DYNC2H1: variants seen among roughly 807,000 people sequenced by gnomAD.
DYNC2H1 encodes the protein cytoplasmic dynein 2 heavy chain 1.
DYNC2H1 carries 410 observed loss-of-function variants against 570.0 expected under a neutral mutation model. The observed-to-expected ratio is 0.72, with a 90% CI of 0.66 to 0.78. DYNC2H1 has a LOEUF of 0.78. Ranked by LOEUF, DYNC2H1 falls within the 30% of genes least tolerant of loss-of-function variation. The pLI is 0.00. For missense variants in DYNC2H1, 4,865 were observed against 5,046.4 expected, an observed-to-expected ratio of 0.96 and a Z score of 1.09; for synonymous variants, 1,688 against 1,677.6, an observed-to-expected ratio of 1.01 and a Z score of -0.15.
chr11:103,115,158 C>T lies in DYNC2H1; in HGVS notation c.503-19C>T. Reference sequence around the variant, plus strand: ...CTCTGATATTCTATGCCATTTTTTTCCCCTCTTGACTTTTATAGGTATCCT... The same window carrying T: ...CTCTGATATTCTATGCCATTTTTTTTCCCTCTTGACTTTTATAGGTATCCT... On this transcript the variant is annotated intron_variant, in intron 3 of 88. Transcript: ENST00000375735. 1 of 1,553,638 alleles carries T rather than the reference C, an allele frequency of 6.4e-7. No individual in the cohort carries two copies. Among genetic ancestry groups the T allele is most frequent in the Non-Finnish European group, 8.8e-7 (1 of 1,141,420 alleles).
At chr11:103,458,020 T>C (rs1352165793) in intron 87 of DYNC2H1, among the ~76,000 whole-genome samples, 1 of 152,212 alleles carries the variant, frequency 6.6e-6, no homozygotes, top group Non-Finnish European at 1.5e-5. Context: ...TTTAACAAAT[T>C]ATTGAAGCCT....
chr11:103,220,514 A>G, intron 56 of DYNC2H1, 109 bp from the exon 57 acceptor site: 1 of 1,073,688 alleles, frequency 9.3e-7, no homozygotes, highest in Non-Finnish European at 1.3e-6. Flanking sequence ...AGAGAACATT[A>G]GTAACTATAG....
In DYNC2H1 at chr11:103,152,245, A is replaced by C. The variant is rs763831000; in HGVS notation, c.3056A>C (p.Glu1019Ala). 2 of 1,607,914 alleles carry C rather than the reference A, an allele frequency of 1.2e-6. No homozygotes were observed. The highest frequency in any genetic ancestry group is 8.5e-7 in the Non-Finnish European group (1 of 1,178,044). Reference sequence around the variant, plus strand: ...TTGAAAGCCAAGTGGGATAAATTTGAGTTAATGATGGAAAGTCACCAACTT... The same window carrying C: ...TTGAAAGCCAAGTGGGATAAATTTGCGTTAATGATGGAAAGTCACCAACTT... ...SNLKAKWDKF[E>A]LMMESHQLMI... Residue 1019 changes from glutamate (E) to alanine (A), a missense_variant, in exon 21 of 89, where the codon GAG (glutamate) becomes GCG (alanine). By Grantham distance (107) the Glu-to-Ala change is moderately radical. Transcript: ENST00000375735.
intron 10 of DYNC2H1, among the ~76,000 whole-genome samples, chr11:103,122,541 G>T (rs546456578): frequency 2.6e-5 from 4 of 152,188 alleles, no homozygotes; most frequent in Non-Finnish European, 1.5e-5. Flanking sequence ...AATCACTGGG[G>T]CACAGATATT....
intron 79 of DYNC2H1, among the ~76,000 whole-genome samples, chr11:103,313,900 TA>T (rs1937657127): frequency 6.6e-6 from 1 of 152,112 alleles, no homozygotes; most frequent in Non-Finnish European, 1.5e-5. Context: ...GAATCACACC[TA>T]AAAAGTAGAG....
At chr11:103,168,716 A>G (rs1161154030) in intron 31 of DYNC2H1, 39 bp from the exon 32 acceptor site, 1 of 1,587,542 alleles carries the variant, frequency 6.3e-7, no homozygotes. Flanking sequence ...TCACAGGCTA[A>G]CATTTTCTCC....
rs200412232 is a variant in DYNC2H1, at chr11:103,340,144, A to AT, written c.12039+16161dup. 1.9e-3 allele frequency among the ~76,000 whole-genome samples: 282 copies of AT among 152,118 alleles called. 2 individuals carry two copies. Among genetic ancestry groups the AT allele is most frequent in the Admixed American group, 0.018 (270 of 15,272 alleles). ...GTTAGATACTGTGATTGCACACCTG[A>AT]TTTTTTTGTTTTTAAAATAGTGTTT... is the stretch of plus-strand genomic sequence containing the variant. On this transcript the variant is annotated intron_variant, in intron 82 of 88. Coordinates refer to ENST00000375735, the MANE Select transcript of DYNC2H1 (RefSeq NM_001377.3).
rs541911314 is a variant in DYNC2H1 at position 103,390,824 on chromosome 11, C to T, written c.12157-8839C>T. Among the ~76,000 whole-genome samples, 15 of 152,200 alleles carry T rather than the reference C, an allele frequency of 9.9e-5. No homozygotes were observed. In the South Asian group the frequency reaches 3.1e-3, roughly 32 times the overall value. Reference sequence around the variant, plus strand: ...TTTCTTAAGAATGTTGAATATTGGCCCCCACTCTCTTCTGGCTTGTAGAGT... The same window carrying T: ...TTTCTTAAGAATGTTGAATATTGGCTCCCACTCTCTTCTGGCTTGTAGAGT... On this transcript the variant is annotated intron_variant, in intron 83 of 88. Transcript: ENST00000375735.
At chr11:103,225,161 G>A (rs1051230245) in intron 59 of DYNC2H1, among the ~76,000 whole-genome samples, 5 of 145,438 alleles carry the variant, frequency 3.4e-5, no homozygotes, top group African/African-American at 7.4e-5. Context: ...GTCCTTTGTT[G>A]GATGTATAGA....
In DYNC2H1 at chr11:103,243,259, A is replaced by G; in HGVS notation, c.9820-434A>G. Among the ~76,000 whole-genome samples, 1 of 10,328 alleles carries G rather than the reference A, an allele frequency of 9.7e-5. No homozygotes were observed. The highest frequency in any genetic ancestry group is 3.1e-4 in the African/African-American group (1 of 3,194). 6.8% of individuals were successfully genotyped at this position (10,328 alleles called of 152,430 possible). A position where few individuals can be genotyped will look rare whatever the true frequency, so the allele number is the denominator to read the frequency against. On this transcript the variant is annotated intron_variant, in intron 63 of 88. Transcript: ENST00000375735. The surrounding 1 kb of genome is among the most constrained non-coding windows in gnomAD (Gnocchi z 4.8). ...TAGTTTTTATTCAAACAAAGAATAT[A>G]GATAGATAGATAGATAGATAGATAG...
intron 84 of DYNC2H1, among the ~76,000 whole-genome samples, chr11:103,422,535 A>T (rs487860): frequency 6.6e-6 from 1 of 151,884 alleles, no homozygotes; most frequent in African/African-American, 2.4e-5. Flanking sequence ...TTTGTTCAAC[A>T]TATGCGAATC....
chr11:103,448,774 T>C (rs1944505272), intron 85 of DYNC2H1, among the ~76,000 whole-genome samples: 1 of 152,280 alleles, frequency 6.6e-6, no homozygotes, highest in East Asian at 1.9e-4. Context: ...AACATGAACA[T>C]GGGGACATGA....
intron 79 of DYNC2H1, among the ~76,000 whole-genome samples, chr11:103,314,911 A>G (rs913163546): frequency 2.6e-5 from 4 of 152,080 alleles, no homozygotes; most frequent in Admixed American, 6.6e-5. Context: ...ACTTTTTCAC[A>G]TACGGTCTAA....
At chr11:103,429,232 G>A (rs998445414) in intron 84 of DYNC2H1, among the ~76,000 whole-genome samples, 1 of 150,524 alleles carries the variant, frequency 6.6e-6, no homozygotes, top group Non-Finnish European at 1.5e-5. Flanking sequence ...CTGTACTCCA[G>A]CCTGGGTGAC....
At chr11:103,421,485 A>T (rs1943487562) in intron 84 of DYNC2H1, among the ~76,000 whole-genome samples, 1 of 152,194 alleles carries the variant, frequency 6.6e-6, no homozygotes, top group Admixed American at 6.6e-5. Flanking sequence ...AATGCAAAAG[A>T]ACTGAAATCA....
intron 74 of DYNC2H1, 72 bp from the exon 75 acceptor site, chr11:103,287,461 C>T (rs1396798121): frequency 8.6e-7 from 1 of 1,156,796 alleles, no homozygotes; most frequent in African/African-American, 1.5e-5. Context: ...AATTAGTTAA[C>T]ATTAATTATT....
intron 82 of DYNC2H1, among the ~76,000 whole-genome samples, chr11:103,340,782 A>C (rs1160738814): frequency 6.6e-6 from 1 of 152,128 alleles, no homozygotes; most frequent in East Asian, 1.9e-4. Flanking sequence ...TCAAAATGTA[A>C]TAGCTGCACT....
chr11:103,130,875 TA>T (rs1402600382), intron 13 of DYNC2H1, among the ~76,000 whole-genome samples: 17 of 152,208 alleles, frequency 1.1e-4, no homozygotes, highest in African/African-American at 4.1e-4. Context: ...GTAGTGGTTA[TA>T]AAACTAGCAT....
chr11:103,222,126 T>A lies in DYNC2H1; in HGVS notation c.9204T>A (p.Phe3068Leu). The A allele has an allele frequency of 6.3e-7, 1 of 1,583,000 alleles. No homozygotes were observed. The highest frequency in any genetic ancestry group is 1.4e-5 in the African/African-American group (1 of 73,714). Reference sequence around the variant, plus strand: ...GAGAGAGTGTTGAAGAACTTCTTTTTAAAAATAAAGGCTCTTTTGATCCAA... The same window carrying A: ...GAGAGAGTGTTGAAGAACTTCTTTTAAAAAATAAAGGCTCTTTTGATCCAA... ...EIRESVEELL[F>L]KNKGSFDPKN... The change falls in exon 58 of 89, where the codon TTT becomes TTA. Residue 3068 changes from phenylalanine to leucine, a missense_variant. By Grantham distance (22) the Phe-to-Leu change is conservative (BLOSUM62 0). This residue lies in a region of DYNC2H1 where 2,401 missense variants were observed against 2,454.6 expected (regional missense o/e 0.98). Transcript: ENST00000375735.
Sources: allele counts gnomAD v4.1 joint callset (sites outside exome capture counted in the v4.1 genomes callset), GRCh38; gene constraint gnomAD v4.1.1; regional missense constraint gnomAD v4.1.1; non-coding constraint Gnocchi (gnomAD v3.1); transcripts MANE v1.5; gene names NCBI Gene and HGNC (gene_info 2026-07-23, HGNC 2026-07-21).